The following SH3RF2 variants were observed in gnomAD, a reference collection of about 807,000 sequenced individuals.
The protein encoded by SH3RF2 is E3 ubiquitin-protein ligase SH3RF2.
In SH3RF2, 43 loss-of-function variants were observed where a neutral mutation model predicts 59.0. The ratio of observed to expected loss-of-function variants is 0.73; its 90% CI spans 0.57 to 0.94. The LOEUF is 0.94. Among genes scored for constraint, SH3RF2 ranks in the 40% least tolerant of loss-of-function variants. The pLI is 0.00. For synonymous variants in SH3RF2, 391 were observed against 391.5 expected (o/e 1.00, Z 0.01); for missense variants, 930 against 940.1 (o/e 0.99, Z 0.14).
chr5:146,057,062 A>G (rs1303191105), intron 8 of SH3RF2, among the ~76,000 whole-genome samples: 2 of 152,224 alleles, frequency 1.3e-5, no homozygotes, highest in Non-Finnish European at 2.9e-5. Flanking sequence ...CCCAGAAAAT[A>G]TGATTTATTC....
chr5:146,043,829 C>T (rs2150011837), intron 5 of SH3RF2: 2 of 152,310 alleles, frequency 1.3e-5, no homozygotes, highest in South Asian at 4.1e-4. Flanking sequence ...TGTGGTTATA[C>T]CACAATTCGC....
At chr5:145,988,394 C>A (rs1363681884) in intron 2 of SH3RF2, among the ~76,000 whole-genome samples, 1 of 151,888 alleles carries the variant, frequency 6.6e-6, no homozygotes, top group African/African-American at 2.4e-5. Context: ...GGTTATCTCC[C>A]AGGCAAGAGC....
intron 2 of SH3RF2, among the ~76,000 whole-genome samples, chr5:145,942,431 T>C (rs1449815486): frequency 6.6e-6 from 1 of 152,108 alleles, no homozygotes; most frequent in Non-Finnish European, 1.5e-5. Flanking sequence ...GGCTTTGTCC[T>C]AGAAACTTTT....
chr5:146,011,900 A>G (rs575715589), intron 4 of SH3RF2, among the ~76,000 whole-genome samples: 1 of 152,324 alleles, frequency 6.6e-6, no homozygotes, highest in African/African-American at 2.4e-5. Flanking sequence ...TGCCCTGGCC[A>G]GAACTTCCAA....
Position 145,959,557 on chromosome 5 carries a change from A to G in SH3RF2, c.378+21251A>G, listed in dbSNP as rs138480911. On this transcript the variant is annotated intron_variant, in intron 2 of 9. Transcript: ENST00000359120. ...TCTCCATTTGCAAAGGGCACTCTCC[A>G]TGACTTAGATCCCCAGCCTTCTTAG... Among the ~76,000 whole-genome samples the G allele has an allele frequency of 3.3e-5, 5 of 151,748 alleles. No individual in the cohort carries two copies. In the East Asian group the frequency reaches 9.7e-4, roughly 29 times the overall value.
chr5:145,954,947 G>A (rs1393590267), intron 2 of SH3RF2, among the ~76,000 whole-genome samples: 1 of 152,052 alleles, frequency 6.6e-6, no homozygotes. Flanking sequence ...CCAGAGGTGG[G>A]GGGAAGTGCC....
chr5:146,036,819 C>G (rs897222759), intron 5 of SH3RF2, among the ~76,000 whole-genome samples: 1 of 152,222 alleles, frequency 6.6e-6, no homozygotes, highest in African/African-American at 2.4e-5. Context: ...TCCCAAAAAG[C>G]TAATGCAGAG....
intron 5 of SH3RF2, among the ~76,000 whole-genome samples, chr5:146,045,925 C>T (rs1022864974): frequency 5.3e-5 from 8 of 152,160 alleles, no homozygotes; most frequent in Non-Finnish European, 1.0e-4. Flanking sequence ...AGAGGCTGTA[C>T]CATTTTACAT....
At chr5:145,963,991 C>A (rs1758748176) in intron 2 of SH3RF2, among the ~76,000 whole-genome samples, 1 of 151,868 alleles carries the variant, frequency 6.6e-6, no homozygotes, top group Non-Finnish European at 1.5e-5. Context: ...CGCCACCGCG[C>A]CCGGCTAATT....
At chr5:146,036,023 A>C (rs1256694447) in intron 5 of SH3RF2, among the ~76,000 whole-genome samples, 1 of 152,194 alleles carries the variant, frequency 6.6e-6, no homozygotes, top group East Asian at 1.9e-4. Context: ...TGCATACTTA[A>C]GTTTTTGTGG....
intron 9 of SH3RF2, among the ~76,000 whole-genome samples, chr5:146,077,090 A>G (rs531536717): frequency 6.6e-6 from 1 of 152,292 alleles, no homozygotes; most frequent in East Asian, 1.9e-4. Flanking sequence ...CTCCTCCAGC[A>G]TGGTTAGTTT....
In SH3RF2 at chr5:146,004,067, A is replaced by T; in HGVS notation, c.658A>T (p.Ile220Phe). Residue 220 changes from isoleucine to phenylalanine, a missense_variant, in exon 4 of 10, where the codon ATC (isoleucine) becomes TTC (phenylalanine). Physicochemically the swap from Ile to Phe is conservative, Grantham distance 21. Transcript: ENST00000359120. ...AGACTTTCTCTTTCAGGACGATATC[A>T]TCACTGTGATCAGCCGAGTGGATGA... ...DCLTFLKDDI[I>F]TVISRVDENW... 1 of 1,612,586 alleles carries T rather than the reference A, an allele frequency of 6.2e-7. No homozygotes were observed. Among genetic ancestry groups the T allele is most frequent in the Non-Finnish European group, 8.5e-7 (1 of 1,178,870 alleles).
intron 2 of SH3RF2, among the ~76,000 whole-genome samples, chr5:145,946,909 C>G (rs1251670374): frequency 2.0e-5 from 3 of 152,164 alleles, no homozygotes; most frequent in Non-Finnish European, 4.4e-5. Context: ...AACATGGCCC[C>G]TGTACTTGTG....
chr5:146,044,133 G>A (rs372411788), intron 5 of SH3RF2, among the ~76,000 whole-genome samples: 2,154 of 150,610 alleles, frequency 0.014, 51 homozygotes, highest in African/African-American at 0.048. Context: ...TGATTGGTCC[G>A]TTTTTGTTTT....
Position 146,015,338 on chromosome 5 carries a change from TCTC to T in SH3RF2, c.1059+1282_1059+1284del, listed in dbSNP as rs551340625. On this transcript the variant is annotated intron_variant, in intron 5 of 9. Coordinates refer to ENST00000359120, the MANE Select transcript of SH3RF2 (RefSeq NM_152550.4). ...CGCACACACATACACACTTTCTCTT[TCTC>T]CTCCATTTCACTCCCCTTGCTTTAA... Among the ~76,000 whole-genome samples the T allele has an allele frequency of 9.2e-5, 14 of 152,234 alleles. No homozygotes were observed. The East Asian group carries it at 2.5e-3, about 27-fold the overall frequency.
At chr5:146,067,110 C>G (rs1763125953), downstream of SH3RF2, among the ~76,000 whole-genome samples, 1 of 152,126 alleles carries the variant, frequency 6.6e-6, no homozygotes, top group Admixed American at 6.5e-5. Flanking sequence ...TCACCTCCTC[C>G]ACCCTTCACC....
chr5:146,060,633 A>G (rs1762853675), intron 9 of SH3RF2, among the ~76,000 whole-genome samples: 2 of 152,226 alleles, frequency 1.3e-5, no homozygotes, highest in East Asian at 3.8e-4. Flanking sequence ...AGGTAGAAAG[A>G]GTAATGGCCA....
Position 145,989,129 on chromosome 5 carries a change from T to C in SH3RF2, c.379-10929T>C, listed in dbSNP as rs142585103. Among the ~76,000 whole-genome samples the C allele has an allele frequency of 1.5e-3, 226 of 152,310 alleles. 4 individuals are homozygous for C. In the East Asian group the frequency reaches 0.024, roughly 16 times the overall value. ...CAGCAAAGTGCCCCAGATGCAATTATGCAAATCATGTTCACAAAATAAAAC... is the reference window on the plus strand; with the variant it reads ...CAGCAAAGTGCCCCAGATGCAATTACGCAAATCATGTTCACAAAATAAAAC... On this transcript the variant is annotated intron_variant, in intron 2 of 9. Coordinates refer to ENST00000359120, the MANE Select transcript of SH3RF2 (RefSeq NM_152550.4).
intron 5 of SH3RF2, among the ~76,000 whole-genome samples, chr5:146,022,343 G>A (rs1761353339): frequency 6.6e-6 from 1 of 152,218 alleles, no homozygotes; most frequent in East Asian, 1.9e-4. Flanking sequence ...GAGTAGTTGG[G>A]ACTACAGGTG....
Sources: allele counts gnomAD v4.1 joint callset (sites outside exome capture counted in the v4.1 genomes callset), GRCh38; gene constraint gnomAD v4.1.1; transcripts MANE v1.5; gene names NCBI Gene and HGNC (gene_info 2026-07-23, HGNC 2026-07-21).